Variants in DOCK4 observed in about 807,000 individuals in gnomAD.
DOCK4 encodes the protein dedicator of cytokinesis 4, also known as dedicator of cytokinesis protein 4.
Under a neutral mutation model 268.1 loss-of-function variants are expected in DOCK4, and 97 were observed. The observed-to-expected ratio is 0.36, with a 90% CI of 0.31 to 0.43. The LOEUF (loss-of-function observed/expected upper bound fraction) is 0.43, where lower values mean the gene tolerates loss of function less well. DOCK4 is among the 20% of genes least tolerant of loss of function. The pLI is 1.00. For missense variants in DOCK4, 2,145 were observed against 2,455.7 expected (o/e 0.87, Z 2.67); for synonymous variants, 954 against 887.2 (o/e 1.08, Z -1.34).
At chr7:111,815,971 A>C (rs1232022521) in intron 27 of DOCK4, among the ~76,000 whole-genome samples, 1 of 152,190 alleles carries the variant, frequency 6.6e-6, no homozygotes, top group Non-Finnish European at 1.5e-5. Context: ...ACAGCAAGGC[A>C]TGCAGTAGGA....
intron 1 of DOCK4, among the ~76,000 whole-genome samples, chr7:112,060,731 T>C (rs1485882574): frequency 5.3e-5 from 8 of 152,052 alleles, no homozygotes. Context: ...AAAAGACAAA[T>C]ACTGTATAAT....
At chr7:111,952,066 G>C (rs1182966297) in intron 8 of DOCK4, among the ~76,000 whole-genome samples, 1 of 151,238 alleles carries the variant, frequency 6.6e-6, no homozygotes, top group Non-Finnish European at 1.5e-5. Flanking sequence ...AGTTCAGTCT[G>C]GGCAAGATAG....
chr7:111,769,821 C>T, intron 36 of DOCK4, 144 bp from the exon 37 acceptor site: 1 of 949,308 alleles, frequency 1.1e-6, no homozygotes, highest in Non-Finnish European at 1.6e-6. Context: ...AGAATATATG[C>T]AGCAGTAGGG....
chr7:112,145,883 A>G (rs147769064), intron 1 of DOCK4, among the ~76,000 whole-genome samples: 6,446 of 152,254 alleles, frequency 0.042, 295 homozygotes, highest in Admixed American at 0.14. Flanking sequence ...ATGTAAAAAT[A>G]TATTTATAAC....
chr7:111,964,644 A>C (rs1324629826), intron 8 of DOCK4, among the ~76,000 whole-genome samples: 2 of 138,714 alleles, frequency 1.4e-5, no homozygotes, highest in Non-Finnish European at 3.1e-5. Context: ...GGATATTATC[A>C]AGGAGAACTT....
intron 7 of DOCK4, among the ~76,000 whole-genome samples, chr7:111,981,403 C>G (rs192598472): frequency 4.6e-5 from 7 of 152,270 alleles, no homozygotes; most frequent in Admixed American, 4.6e-4. Flanking sequence ...AAGAAACTGC[C>G]TTATGGAAGC....
At chr7:111,925,508 T>G (rs962508031) in intron 12 of DOCK4, among the ~76,000 whole-genome samples, 1 of 152,132 alleles carries the variant, frequency 6.6e-6, no homozygotes, top group Non-Finnish European at 1.5e-5. Flanking sequence ...GAGACTGGTG[T>G]GTACAAATGA....
At chr7:112,000,607 G>A in intron 2 of DOCK4, 73 bp from the exon 3 acceptor site, 1 of 1,130,014 alleles carries the variant, frequency 8.8e-7, no homozygotes, top group Non-Finnish European at 1.2e-6. Flanking sequence ...AAATCAATCT[G>A]TTCTTTGCCG....
chr7:111,984,246 A>G lies in DOCK4; in HGVS notation c.549+60T>C, dbSNP rs77953444. 2.5e-3 allele frequency: 3,558 copies of G among 1,398,952 alleles called. 9 individuals carry two copies. The highest frequency in any genetic ancestry group is 5.9e-3 in the Admixed American group (290 of 49,382). 86.7% of individuals were successfully genotyped at this position (1,398,952 alleles called of 1,614,324 possible). A position where few individuals can be genotyped will look rare whatever the true frequency, so the allele number is the denominator to read the frequency against. On this transcript the variant is annotated intron_variant, in intron 7 of 52. Coordinates refer to ENST00000428084, the MANE Select transcript of DOCK4 (RefSeq NM_001363540.2). ...CTTACAAAATCAAGCAAGTATGAGG[A>G]GTGCCATGGAAACCAGAAAATTAGC...
intron 1 of DOCK4, among the ~76,000 whole-genome samples, chr7:112,113,322 A>C (rs1811834994): frequency 6.6e-6 from 1 of 152,206 alleles, no homozygotes; most frequent in Non-Finnish European, 1.5e-5. Context: ...AGGAGAGGGC[A>C]ACTCTGCACA....
At chr7:111,934,197 G>A (rs1257424193) in intron 12 of DOCK4, among the ~76,000 whole-genome samples, 6 of 152,128 alleles carry the variant, frequency 3.9e-5, no homozygotes, top group African/African-American at 9.7e-5. Context: ...TCTGAATGGT[G>A]GATAAGAACA....
In DOCK4 at chr7:111,732,244, G is replaced by A. The variant is rs189141127; in HGVS notation, c.5463C>T (p.Ala1821=). The A allele has an allele frequency of 8.4e-5, 135 of 1,614,014 alleles. 2 individuals carry two copies. Among genetic ancestry groups the A allele is most frequent in the South Asian group, 3.6e-4 (33 of 91,076 alleles). The change falls in exon 52 of 53, where the codon GCC becomes GCT. Residue 1821 remains alanine (A), a synonymous_variant. Coordinates refer to ENST00000428084, the MANE Select transcript of DOCK4 (RefSeq NM_001363540.2). ...RHTTSVSPSP[A]GRSPLKGSVQ... is the part of the protein sequence containing the mutation. The stretch of plus-strand genomic sequence containing the variant: ...CCTTTACCTTCAATGGAGATCGCCC[G>A]GCAGGCGAGGGGGATACTGATGTCG...
intron 8 of DOCK4, chr7:111,976,494 A>G (rs1404953344): frequency 6.6e-6 from 1 of 151,448 alleles, no homozygotes; most frequent in East Asian, 1.9e-4. Context: ...ACAAATATTA[A>G]AAATTTTAGA....
At position 111,848,105 on chromosome 7, in the gene DOCK4, T is replaced by C. The variant is rs78758559; in HGVS notation, c.2474-979A>G. 4.8e-3 allele frequency among the ~76,000 whole-genome samples: 731 copies of C among 152,336 alleles called. 19 individuals carry two copies. In the East Asian group the frequency reaches 0.063, roughly 13 times the overall value. ...ATCTGGGAATTTGCCTTGAATTATT[T>C]CTAGGATTATTTTCTTCTATCCTTT... On this transcript the variant is annotated intron_variant, in intron 23 of 52. Transcript: ENST00000428084.
chr7:112,006,937 A>T (rs1800911085), intron 1 of DOCK4, among the ~76,000 whole-genome samples: 1 of 152,142 alleles, frequency 6.6e-6, no homozygotes, highest in African/African-American at 2.4e-5. Context: ...AGCCACACAC[A>T]AATTCTCATT....
intron 1 of DOCK4, among the ~76,000 whole-genome samples, chr7:112,021,725 C>A (rs777048754): frequency 5.3e-5 from 8 of 152,260 alleles, no homozygotes; most frequent in South Asian, 4.1e-4. Flanking sequence ...AAGGGGAGTT[C>A]TAGTCTAATA....
chr7:111,958,401 T>G (rs1318681090), intron 8 of DOCK4, among the ~76,000 whole-genome samples: 1 of 152,202 alleles, frequency 6.6e-6, no homozygotes, highest in Non-Finnish European at 1.5e-5. Flanking sequence ...TAGCTTATCC[T>G]GTAGGGAACT....
intron 7 of DOCK4, among the ~76,000 whole-genome samples, chr7:111,980,018 A>C (rs1798490126): frequency 6.6e-6 from 1 of 152,180 alleles, no homozygotes; most frequent in Non-Finnish European, 1.5e-5. Flanking sequence ...ATGGGCAATG[A>C]GGGTTGAGAA....
chr7:112,055,603 G>A (rs566404318), intron 1 of DOCK4, among the ~76,000 whole-genome samples: 2 of 152,228 alleles, frequency 1.3e-5, no homozygotes, highest in Middle Eastern at 6.8e-3. Flanking sequence ...AGACGAGATA[G>A]AATTGGCTTT....
Sources: gnomAD v4.1 joint callset for allele counts (sites outside exome capture counted in the v4.1 genomes callset) on GRCh38, gnomAD v4.1.1 for gene constraint, MANE v1.5 for transcripts, NCBI Gene and HGNC (gene_info 2026-07-23, HGNC 2026-07-21) for gene names.